The following DNAJB6 variants were observed in gnomAD, a reference collection of about 807,000 sequenced individuals.
DNAJB6 encodes the protein dnaJ homolog subfamily B member 6.
In DNAJB6, 16 loss-of-function variants were observed where a neutral mutation model predicts 42.7. That is an observed-to-expected ratio of 0.37 (90% CI 0.25 to 0.57). The LOEUF (loss-of-function observed/expected upper bound fraction) is 0.57, where lower values mean the gene tolerates loss of function less well. Ranked by LOEUF, DNAJB6 falls within the 20% of genes least tolerant of loss-of-function variation. The pLI, the probability that DNAJB6 is intolerant of heterozygous loss-of-function variation, is 0.74. For synonymous variants in DNAJB6, 170 were observed against 163.5 expected, an observed-to-expected ratio of 1.04 and a Z score of -0.30; for missense variants, 347 against 416.8, an observed-to-expected ratio of 0.83 and a Z score of 1.46.
chr7:157,339,390 C>T (rs1262150198), intron 1 of DNAJB6, among the ~76,000 whole-genome samples: 2 of 150,090 alleles, frequency 1.3e-5, no homozygotes, highest in African/African-American at 2.5e-5. Context: ...CTCCACCTCC[C>T]GGGGTCACAC....
Position 157,387,130 on chromosome 7 carries a change from G to A in DNAJB6, c.691+1519G>A, listed in dbSNP as rs924720952. On this transcript the variant is annotated intron_variant, in intron 8 of 9. Coordinates refer to ENST00000262177, the MANE Select transcript of DNAJB6 (RefSeq NM_058246.4). ...TTGCAGGAGGGCATAGAGATTGCTC[G>A]GGATACGCCAGAGCCCTTAAGCAAC... Among the ~76,000 whole-genome samples the A allele has an allele frequency of 3.9e-5, 6 of 152,154 alleles. No individual in the cohort carries two copies. The South Asian group carries it at 6.2e-4, about 16-fold the overall frequency.
chr7:157,357,240 TTCCTTCCTTCCTTCCTTCCTTCCG>T lies in DNAJB6; in HGVS notation c.-26-1295_-26-1272del, dbSNP rs1322819135. On this transcript the variant is annotated intron_variant, in intron 1 of 9. Coordinates refer to ENST00000262177, the MANE Select transcript of DNAJB6 (RefSeq NM_058246.4). Reference sequence around the variant, plus strand: ...CTTCCTTCCTTCCTTCCTTCCTTCCTTCCTTCCTTCCTTCCTTCCTTCCGTCCTTCCTTCCGTCCTTCCTTCCGT... The same window carrying T: ...CTTCCTTCCTTCCTTCCTTCCTTCCTTCCTTCCTTCCGTCCTTCCTTCCGT... Among the ~76,000 whole-genome samples, 14 of 80,816 alleles carry T rather than the reference TTCCTTCCTTCCTTCCTTCCTTCCG, an allele frequency of 1.7e-4. 1 individual carries two copies. The highest frequency in any genetic ancestry group is 4.2e-4 in the South Asian group (1 of 2,400). The allele number at this position is 80,816 out of a possible 152,430, so 53.0% of individuals were successfully genotyped here.
chr7:157,337,338 TCTGGGGCCGGGGCCGGGGCTGG>T (rs1282171335), intron 1 of DNAJB6, among the ~76,000 whole-genome samples, 194 bp downstream of exon 1: 120 of 150,602 alleles, frequency 8.0e-4, no homozygotes, highest in Non-Finnish European at 1.5e-3. Context: ...CTGGGTCAGG[TCTGGGGCCGGGGCCGGGGCTGG>T]GGTCTGGGGC....
chr7:157,351,751 G>A (rs1196661855), intron 1 of DNAJB6, among the ~76,000 whole-genome samples: 1 of 152,122 alleles, frequency 6.6e-6, no homozygotes, highest in African/African-American at 2.4e-5. Flanking sequence ...ATCACCTGAG[G>A]TCAGGAGTTT....
chr7:157,401,875 C>T (rs985217130), intron 8 of DNAJB6, among the ~76,000 whole-genome samples: 3 of 152,210 alleles, frequency 2.0e-5, no homozygotes, highest in African/African-American at 4.8e-5. Flanking sequence ...TTCCCAGCAG[C>T]GGGCTGGCGC....
intron 3 of DNAJB6, among the ~76,000 whole-genome samples, chr7:157,363,572 G>A (rs1390617354): frequency 1.2e-4 from 18 of 152,154 alleles, no homozygotes; most frequent in Admixed American, 1.2e-3. Flanking sequence ...GCGGGACTCA[G>A]GTCACTGTGC....
At chr7:157,392,359 GT>G (rs371536881) in intron 8 of DNAJB6, among the ~76,000 whole-genome samples, 3,897 of 137,854 alleles carry the variant, frequency 0.028, 61 homozygotes, top group Admixed American at 0.056. Context: ...TTGAAAGTGG[GT>G]TTTTTTTTTT....
intron 6 of DNAJB6, among the ~76,000 whole-genome samples, chr7:157,384,152 TGCTTTA>T (rs1265357561): frequency 6.6e-6 from 1 of 152,236 alleles, no homozygotes; most frequent in African/African-American, 2.4e-5. Flanking sequence ...AAAATAGGTT[TGCTTTA>T]GTGTGACTTG....
intron 8 of DNAJB6, among the ~76,000 whole-genome samples, chr7:157,398,368 C>G (rs551574435): frequency 1.3e-5 from 2 of 152,066 alleles, no homozygotes; most frequent in Non-Finnish European, 2.9e-5. Flanking sequence ...TAACCCCCCT[C>G]TCTCCCCAAA....
intron 2 of DNAJB6, among the ~76,000 whole-genome samples, chr7:157,359,941 AGT>A (rs1799494108): frequency 6.6e-6 from 1 of 152,214 alleles, no homozygotes; most frequent in Non-Finnish European, 1.5e-5. Flanking sequence ...TCACTAGTAG[AGT>A]GAGGTTTCCC....
intron 1 of DNAJB6, among the ~76,000 whole-genome samples, chr7:157,348,516 C>CA (rs762406019): frequency 2.0e-5 from 3 of 152,226 alleles, no homozygotes; most frequent in Non-Finnish European, 4.4e-5. Flanking sequence ...GGACCCTAAA[C>CA]AGTTTCCTAA....
Position 157,409,922 on chromosome 7 carries a change from TCA to T in DNAJB6, c.821_822del (p.His274LeufsTer4). The T allele has an allele frequency of 6.5e-7, 1 of 1,535,966 alleles. No homozygotes were observed. The highest frequency in any genetic ancestry group is 1.2e-5 in the South Asian group (1 of 83,910). ...RPASLLRHAP[H>X]CLSEEEGEQD... is the part of the protein sequence containing the mutation. ...CTGCCTCGCTGCTGAGACACGCGCCTCACTGTCTCTCTGAGGAGGAGGGCGAG... is the reference window on the plus strand; with the variant it reads ...CTGCCTCGCTGCTGAGACACGCGCCTCTGTCTCTCTGAGGAGGAGGGCGAG... On this transcript the variant is annotated frameshift_variant, in exon 9 of 10. Transcript: ENST00000262177. LOFTEE classifies it high-confidence loss of function.
intron 1 of DNAJB6, among the ~76,000 whole-genome samples, chr7:157,352,474 G>A (rs1799040067): frequency 6.6e-6 from 1 of 151,884 alleles, no homozygotes; most frequent in African/African-American, 2.4e-5. Context: ...AGTTGAATGT[G>A]GAATGAGGTG....
intron 1 of DNAJB6, among the ~76,000 whole-genome samples, chr7:157,354,581 C>T (rs913880446): frequency 1.3e-5 from 2 of 152,206 alleles, no homozygotes; most frequent in East Asian, 3.9e-4. Context: ...TCAAGGAGTC[C>T]TCCCACTTTG....
chr7:157,342,743 A>G (rs1417663230), intron 1 of DNAJB6, among the ~76,000 whole-genome samples: 1 of 152,040 alleles, frequency 6.6e-6, no homozygotes, highest in Non-Finnish European at 1.5e-5. Context: ...GTGAGCCACC[A>G]AGCCTGGCCT....
chr7:157,353,857 TCTCA>T (rs1295533180), intron 1 of DNAJB6, among the ~76,000 whole-genome samples: 1 of 152,070 alleles, frequency 6.6e-6, no homozygotes, highest in Non-Finnish European at 1.5e-5. Context: ...TGCACAGAGT[TCTCA>T]CTGTGTTTCC....
intron 1 of DNAJB6, among the ~76,000 whole-genome samples, chr7:157,352,144 A>G (rs1799017798): frequency 6.6e-6 from 1 of 152,086 alleles, no homozygotes; most frequent in South Asian, 2.1e-4. Flanking sequence ...ATCCTGGCCA[A>G]CATGGTGAAA....
At chr7:157,363,350 A>C in intron 3 of DNAJB6, 80 bp downstream of exon 3, 1 of 881,076 alleles carries the variant, frequency 1.1e-6, no homozygotes, top group Non-Finnish European at 1.8e-6. Flanking sequence ...TCCTCAGGGT[A>C]GCACAGTATG....
At chr7:157,406,169 G>A (rs776741663) in intron 8 of DNAJB6, among the ~76,000 whole-genome samples, 5 of 152,244 alleles carry the variant, frequency 3.3e-5, no homozygotes, top group African/African-American at 9.6e-5. Flanking sequence ...TGTCCCAGCC[G>A]TGAGGCGGCC....
Sources: gnomAD v4.1 joint callset for allele counts (sites outside exome capture counted in the v4.1 genomes callset) on GRCh38, gnomAD v4.1.1 for gene constraint, MANE v1.5 for transcripts, NCBI Gene and HGNC (gene_info 2026-07-23, HGNC 2026-07-21) for gene names.